NWD1: variants seen among roughly 807,000 people sequenced by gnomAD.
The protein encoded by NWD1 is NACHT domain- and WD repeat-containing protein 1.
In NWD1, 129 loss-of-function variants were observed where a neutral mutation model predicts 135.1. That is an observed-to-expected ratio of 0.96 (90% CI 0.83 to 1.11). NWD1 has a LOEUF of 1.11. NWD1 is among the 50% of genes least tolerant of loss of function. NWD1 has a pLI of 0.00. For missense variants in NWD1, 1,740 were observed against 1,851.3 expected (o/e 0.94, Z 1.10); for synonymous variants, 773 against 786.0 (o/e 0.98, Z 0.28).
chr19:16,774,812 C>T (rs1427287517), intron 11 of NWD1, among the ~76,000 whole-genome samples: 1 of 151,872 alleles, frequency 6.6e-6, no homozygotes, highest in Non-Finnish European at 1.5e-5. Flanking sequence ...CCCACTTATC[C>T]TTCCATTTTC....
At chr19:16,807,508 C>CA (rs1320917559) in intron 17 of NWD1, 78 bp from the exon 18 acceptor site, 252 of 1,256,636 alleles carry the variant, frequency 2.0e-4, no homozygotes, top group Non-Finnish European at 2.4e-4. Context: ...CAAAACAAAA[C>CA]AAAAAAAACC....
intron 2 of NWD1, chr19:16,727,685 G>C (rs1255731292): frequency 6.5e-6 from 1 of 153,200 alleles, no homozygotes; most frequent in Non-Finnish European, 1.5e-5. Flanking sequence ...TAAGGTGCAG[G>C]GTATGGATGG....
Position 16,720,051 on chromosome 19 carries a change from T to C in NWD1, c.-347T>C, listed in dbSNP as rs1450473027. On this transcript the variant is annotated 5_prime_UTR_variant, in exon 1 of 19. Transcript: ENST00000524140. ...GGAGCCCCCAGGACAGCCAGAACGC[T>C]GACACTGCAAAGGGCCTCTGTCCTT... is the stretch of plus-strand genomic sequence containing the variant. 1 of 152,206 alleles carries C rather than the reference T, an allele frequency of 6.6e-6. No individual in the cohort carries two copies. The highest frequency in any genetic ancestry group is 1.5e-5 in the Non-Finnish European group (1 of 68,060). 9.4% of individuals were successfully genotyped at this position (152,206 alleles called of 1,614,324 possible).
chr19:16,793,893 A>G (rs1970333903), intron 14 of NWD1, among the ~76,000 whole-genome samples: 1 of 151,650 alleles, frequency 6.6e-6, no homozygotes, highest in Admixed American at 6.6e-5. Context: ...TATGTTTTTA[A>G]TTTAAAAAAT....
intron 4 of NWD1, among the ~76,000 whole-genome samples, chr19:16,742,362 G>A (rs533566930): frequency 1.4e-3 from 218 of 152,136 alleles, no homozygotes; most frequent in Non-Finnish European, 2.2e-3. Flanking sequence ...GCGACAGAGG[G>A]AGATTCCATC....
chr19:16,755,497 T>G lies in NWD1; in HGVS notation c.1770-3728T>G, dbSNP rs533860277. ...TCCGCCTCCTAGGTTCAAATGATTC[T>G]CATGTCTCAGCCTCTCAAGTAGCTG... On this transcript the variant is annotated intron_variant, in intron 6 of 18. Transcript: ENST00000524140. 2.4e-4 allele frequency among the ~76,000 whole-genome samples: 36 copies of G among 152,320 alleles called. 1 individual carries two copies. In the South Asian group the frequency reaches 7.5e-3, roughly 32 times the overall value.
At chr19:16,806,879 T>C (rs1045264887) in intron 17 of NWD1, among the ~76,000 whole-genome samples, 20 of 151,590 alleles carry the variant, frequency 1.3e-4, no homozygotes, top group African/African-American at 4.1e-4. Context: ...TAGCTGGGCG[T>C]GGTGGTGCGC....
At chr19:16,770,767 G>A (rs1280698533) in intron 10 of NWD1, among the ~76,000 whole-genome samples, 1 of 152,124 alleles carries the variant, frequency 6.6e-6, no homozygotes, top group South Asian at 2.1e-4. Context: ...TCATATGATA[G>A]CATTGTTGAC....
chr19:16,757,513 T>C (rs1968843162), intron 6 of NWD1, among the ~76,000 whole-genome samples: 1 of 152,162 alleles, frequency 6.6e-6, no homozygotes, highest in Admixed American at 6.5e-5. Flanking sequence ...ATGAGGAAAC[T>C]GAGGCAAAGA....
intron 4 of NWD1, among the ~76,000 whole-genome samples, chr19:16,741,263 C>T (rs984083645): frequency 6.6e-6 from 1 of 152,176 alleles, no homozygotes; most frequent in African/African-American, 2.4e-5. Flanking sequence ...CATGCTTCTT[C>T]CTGCCACAGG....
intron 12 of NWD1, among the ~76,000 whole-genome samples, chr19:16,782,775 G>A (rs760257470): frequency 2.0e-5 from 3 of 151,938 alleles, no homozygotes; most frequent in Non-Finnish European, 2.9e-5. Context: ...CCTTGAGCCC[G>A]GGTGTTTGAG....
chr19:16,787,586 A>C (rs1970078733), intron 12 of NWD1, among the ~76,000 whole-genome samples: 1 of 152,158 alleles, frequency 6.6e-6, no homozygotes, highest in Non-Finnish European at 1.5e-5. Context: ...GAGGCTGGGC[A>C]CAGTGGCTCA....
chr19:16,797,819 T>A lies in NWD1; in HGVS notation c.3392T>A (p.Val1131Glu). The A allele has an allele frequency of 6.2e-7, 1 of 1,614,044 alleles. No individual in the cohort carries two copies. The highest frequency in any genetic ancestry group is 8.5e-7 in the Non-Finnish European group (1 of 1,179,912). The change falls in exon 16 of 19, where the codon GTG becomes GAG. Residue 1131 changes from valine (V) to glutamate (E), a missense_variant. By Grantham distance (121) the Val-to-Glu change is moderately radical. Coordinates refer to ENST00000524140, the MANE Select transcript of NWD1 (RefSeq NM_001007525.5). The part of the protein sequence containing the change: ...MAMDLEHEDM[V>E]ETAVFGTENN... ...ATGGATCTGGAACATGAAGACATGG[T>A]GGAGACGGCTGTTTTTGGTACTGAG...
At chr19:16,790,638 A>AAATAATAAT (rs1555730369) in intron 13 of NWD1, among the ~76,000 whole-genome samples, 930 of 56,956 alleles carry the variant, frequency 0.016, 10 homozygotes, top group African/African-American at 0.048. Flanking sequence ...ACATTAAAAA[A>AAATAATAAT]AAATAAATAA....
chr19:16,726,892 G>A (rs998452402), intron 2 of NWD1, among the ~76,000 whole-genome samples: 6 of 151,774 alleles, frequency 4.0e-5, no homozygotes, highest in Non-Finnish European at 7.3e-5. Context: ...AACTGGAAAG[G>A]TCTCCAGACA....
Position 16,791,422 on chromosome 19 carries a change from T to G in NWD1, c.3013T>G (p.Cys1005Gly), listed in dbSNP as rs1970241444. Residue 1005 changes from cysteine (C) to glycine (G), a missense_variant, in exon 14 of 19, where the codon TGC (cysteine) becomes GGC (glycine). Coordinates refer to ENST00000524140, the MANE Select transcript of NWD1 (RefSeq NM_001007525.5). ...GGGAGATGCCTCTGATCCTTGGATGTGCATGGCCGTGCTGGCCTCCCAGGC... is the reference window on the plus strand; with the variant it reads ...GGGAGATGCCTCTGATCCTTGGATGGGCATGGCCGTGCTGGCCTCCCAGGC... The part of the protein sequence containing the change: ...ILGDASDPWM[C>G]MAVLASQATL... 1.9e-6 allele frequency: 3 copies of G among 1,614,150 alleles called. No individual in the cohort carries two copies. The highest frequency in any genetic ancestry group is 2.5e-6 in the Non-Finnish European group (3 of 1,179,996).
intron 4 of NWD1, among the ~76,000 whole-genome samples, chr19:16,743,505 G>T (rs1042082978): frequency 6.6e-6 from 1 of 152,084 alleles, no homozygotes; most frequent in African/African-American, 2.4e-5. Flanking sequence ...ACCATGCCTA[G>T]CCTAGGGGAC....
intron 18 of NWD1, among the ~76,000 whole-genome samples, chr19:16,812,242 A>G (rs1337598319): frequency 6.6e-6 from 1 of 151,804 alleles, no homozygotes; most frequent in East Asian, 1.9e-4. Flanking sequence ...CAGGAGGTGG[A>G]GGTTGCAGTC....
At chr19:16,738,406 T>C (rs1452359184) in intron 4 of NWD1, 1 of 249,514 alleles carries the variant, frequency 4.0e-6, no homozygotes, top group Non-Finnish European at 8.4e-6. Context: ...CCATCTCTAC[T>C]AAAAATACAC....
Sources: gnomAD v4.1 joint callset for allele counts (sites outside exome capture counted in the v4.1 genomes callset) on GRCh38, gnomAD v4.1.1 for gene constraint, MANE v1.5 for transcripts, NCBI Gene and HGNC (gene_info 2026-07-23, HGNC 2026-07-21) for gene names.